ZSCAN5A: variants seen among roughly 807,000 people sequenced by gnomAD.
The protein encoded by ZSCAN5A is zinc finger and SCAN domain-containing protein 5A.
Under a neutral mutation model 23.7 loss-of-function variants are expected in ZSCAN5A, and 12 were observed. The ratio of observed to expected loss-of-function variants is 0.51; its 90% CI spans 0.32 to 0.82. The LOEUF is 0.82. Among genes scored for constraint, ZSCAN5A ranks in the 40% least tolerant of loss-of-function variants. The pLI, the probability that ZSCAN5A is intolerant of heterozygous loss-of-function variation, is 0.03. For synonymous variants in ZSCAN5A, 257 were observed against 239.9 expected (o/e 1.07, Z -0.66); for missense variants, 597 against 617.9 (o/e 0.97, Z 0.36).
chr19:56,318,464 G>A (rs763728304), upstream of ZSCAN5A, among the ~76,000 whole-genome samples: 2 of 151,974 alleles, frequency 1.3e-5, no homozygotes, highest in Non-Finnish European at 2.9e-5. Context: ...AACCCAACAC[G>A]GTACATCAAA....
intron 2 of ZSCAN5A, chr19:56,272,935 A>G (rs1267125207): frequency 1.0e-6 from 1 of 973,942 alleles, no homozygotes; most frequent in Non-Finnish European, 1.2e-6. Flanking sequence ...GCTTCCAGCC[A>G]TGCCTTGTGT....
chr19:56,328,272 G>A (rs2041454954), intron 2 of ZSCAN5A, among the ~76,000 whole-genome samples: 1 of 152,098 alleles, frequency 6.6e-6, no homozygotes, highest in Non-Finnish European at 1.5e-5. Flanking sequence ...AAAGAAAAAT[G>A]CTGTCACAGA....
At chr19:56,366,001 G>T (rs2041761745) in intron 1 of ZSCAN5A, 1 of 152,216 alleles carries the variant, frequency 6.6e-6, no homozygotes. Flanking sequence ...ACGGCATTCT[G>T]TTCAATGCTC....
chr19:56,273,265 G>A (rs935013623), intron 2 of ZSCAN5A, among the ~76,000 whole-genome samples: 3 of 152,184 alleles, frequency 2.0e-5, no homozygotes, highest in African/African-American at 7.2e-5. Flanking sequence ...AGCTTACGTT[G>A]TGCAGTGCCT....
chr19:56,293,929 C>T (rs946957437), intron 2 of ZSCAN5A, among the ~76,000 whole-genome samples: 2 of 152,180 alleles, frequency 1.3e-5, no homozygotes, highest in African/African-American at 4.8e-5. Context: ...ATGTCTGGCA[C>T]GGGATAAGAG....
At chr19:56,344,909 CAAAAAA>C (rs1019131536) in intron 2 of ZSCAN5A, among the ~76,000 whole-genome samples, 3,511 of 18,770 alleles carry the variant, frequency 0.19, 31 homozygotes, top group Middle Eastern at 0.32. Context: ...GACTCCGTCT[CAAAAAA>C]AAAAAAAAAA....
chr19:56,366,481 G>T (rs2147473944), intron 1 of ZSCAN5A, among the ~76,000 whole-genome samples: 1 of 150,920 alleles, frequency 6.6e-6, no homozygotes, highest in South Asian at 2.1e-4. Flanking sequence ...ACCATTAATT[G>T]GGAGGCCATT....
chr19:56,358,265 C>T (rs544539908), intron 2 of ZSCAN5A, among the ~76,000 whole-genome samples: 2 of 148,128 alleles, frequency 1.4e-5, no homozygotes, highest in East Asian at 3.9e-4. Flanking sequence ...GGATTACAGG[C>T]GCCCACTACC....
rs570775392 is a variant in ZSCAN5A, at chr19:56,244,157, G to A, written c.-127-18984C>T. On this transcript the variant is annotated intron_variant, in intron 2 of 5. Coordinates refer to ENST00000683990, the MANE Select transcript of ZSCAN5A (RefSeq NM_001322064.3). ...AACTCAACTTGGAAATCATGACTGG[G>A]ACCCTGAGACTTGTCACGTGAACTT... 2.3e-4 allele frequency: 366 copies of A among 1,607,226 alleles called. 1 individual carries two copies. The highest frequency in any genetic ancestry group is 5.4e-4 in the South Asian group (49 of 90,890).
At chr19:56,279,092 CAG>C (rs1415004882) in intron 2 of ZSCAN5A, among the ~76,000 whole-genome samples, 2 of 152,198 alleles carry the variant, frequency 1.3e-5, no homozygotes, top group Non-Finnish European at 2.9e-5. Flanking sequence ...CGGATGGACT[CAG>C]TGCCTACTGA....
intron 2 of ZSCAN5A, chr19:56,245,400 G>A (rs771822912): frequency 1.2e-5 from 9 of 741,142 alleles, no homozygotes; most frequent in East Asian, 2.5e-5. Flanking sequence ...ACCCTGCCCA[G>A]GGTCCCTGCA....
At chr19:56,362,767 A>C (rs1469847880) in intron 2 of ZSCAN5A, among the ~76,000 whole-genome samples, 1 of 151,518 alleles carries the variant, frequency 6.6e-6, no homozygotes, top group Non-Finnish European at 1.5e-5. Context: ...GCTACTTGGG[A>C]GGCTGAGGCA....
chr19:56,324,503 G>A (rs749060148), intron 2 of ZSCAN5A, among the ~76,000 whole-genome samples: 2 of 152,142 alleles, frequency 1.3e-5, no homozygotes, highest in African/African-American at 2.4e-5. Context: ...TGGTGAGGAT[G>A]CAGAGTAAGG....
chr19:56,362,101 T>G (rs372122100), intron 2 of ZSCAN5A, among the ~76,000 whole-genome samples: 1 of 143,630 alleles, frequency 7.0e-6, no homozygotes, highest in Non-Finnish European at 1.5e-5. Flanking sequence ...GAGCTTGCAG[T>G]GAGCCAAGAT....
intron 2 of ZSCAN5A, among the ~76,000 whole-genome samples, chr19:56,353,164 T>A (rs891320893): frequency 3.3e-5 from 5 of 152,138 alleles, no homozygotes; most frequent in Admixed American, 1.3e-4. Flanking sequence ...AGGCAAAGAA[T>A]AGTAGACATG....
intron 2 of ZSCAN5A, among the ~76,000 whole-genome samples, chr19:56,265,729 A>C (rs1009076123): frequency 6.6e-6 from 1 of 152,136 alleles, no homozygotes; most frequent in Non-Finnish European, 1.5e-5. Flanking sequence ...GAGCCACTCA[A>C]CACTCTCACC....
At chr19:56,249,745 T>A (rs1218926117) in intron 2 of ZSCAN5A, among the ~76,000 whole-genome samples, 1 of 152,212 alleles carries the variant, frequency 6.6e-6, no homozygotes, top group East Asian at 1.9e-4. Context: ...ACCTCCTCAG[T>A]GTTGATACGA....
At chr19:56,293,852 C>A (rs2039684162) in intron 2 of ZSCAN5A, among the ~76,000 whole-genome samples, 1 of 151,710 alleles carries the variant, frequency 6.6e-6, no homozygotes, top group African/African-American at 2.4e-5. Context: ...CCCACCCCCA[C>A]AACAAAAAAA....
chr19:56,274,534 TGA>T, intron 2 of ZSCAN5A: 2 of 152,186 alleles, frequency 1.3e-5, no homozygotes, highest in Admixed American at 1.3e-4. Context: ...ATTTTAGACT[TGA>T]GGAAAAGTCA....
Sources: gnomAD v4.1 joint callset for allele counts (sites outside exome capture counted in the v4.1 genomes callset) on GRCh38, gnomAD v4.1.1 for gene constraint, MANE v1.5 for transcripts, NCBI Gene and HGNC (gene_info 2026-07-23, HGNC 2026-07-21) for gene names.